The following LAMA2 variants were observed in gnomAD, a reference collection of about 807,000 sequenced individuals.
LAMA2 encodes the protein laminin subunit alpha-2.
In LAMA2, 269 loss-of-function variants were observed where a neutral mutation model predicts 364.8. The observed-to-expected ratio is 0.74, with a 90% CI of 0.67 to 0.82. LAMA2 has a LOEUF of 0.82. Among genes scored for constraint, LAMA2 ranks in the 40% least tolerant of loss-of-function variants. The probability of loss-of-function intolerance (pLI) is 0.00; values close to 1 mark genes in which losing one functional copy is unlikely to be tolerated. For synonymous variants in LAMA2, 1,379 were observed against 1,370.6 expected, an observed-to-expected ratio of 1.01 and a Z score of -0.14; for missense variants, 3,807 against 3,873.2, an observed-to-expected ratio of 0.98 and a Z score of 0.45.
intron 1 of LAMA2, among the ~76,000 whole-genome samples, chr6:129,047,371 G>C (rs1787590995): frequency 6.6e-6 from 1 of 152,158 alleles, no homozygotes; most frequent in African/African-American, 2.4e-5. Context: ...AGAGCACAGA[G>C]ATGAGGGGGG....
chr6:129,355,376 C>T (rs192865407), intron 32 of LAMA2, among the ~76,000 whole-genome samples: 158 of 152,168 alleles, frequency 1.0e-3, no homozygotes, highest in African/African-American at 3.4e-3. Flanking sequence ...ATGATCTTGG[C>T]CTTTCCCAGG....
chr6:129,244,946 T>G (rs961031610), intron 12 of LAMA2, among the ~76,000 whole-genome samples: 2 of 152,156 alleles, frequency 1.3e-5, no homozygotes, highest in African/African-American at 4.8e-5. Context: ...CAAGCTGGTT[T>G]TTCCCCCTGA....
intron 1 of LAMA2, among the ~76,000 whole-genome samples, chr6:128,891,709 G>A (rs1776461855): frequency 6.6e-6 from 1 of 152,054 alleles, no homozygotes; most frequent in Non-Finnish European, 1.5e-5. Flanking sequence ...AGTTGAGACT[G>A]TTTGTGAAGG....
intron 17 of LAMA2, among the ~76,000 whole-genome samples, chr6:129,274,683 A>C (rs1788179522): frequency 6.6e-6 from 1 of 152,028 alleles, no homozygotes. Flanking sequence ...AACTTCATCA[A>C]CTATTTATGG....
chr6:129,437,415 C>T (rs989833270), intron 41 of LAMA2, among the ~76,000 whole-genome samples: 1 of 151,898 alleles, frequency 6.6e-6, no homozygotes, highest in South Asian at 2.1e-4. Context: ...GCTTGTCAGG[C>T]ATTACTCTTA....
chr6:128,896,963 G>A (rs1228237207), intron 1 of LAMA2, among the ~76,000 whole-genome samples: 2 of 152,240 alleles, frequency 1.3e-5, no homozygotes, highest in Non-Finnish European at 2.9e-5. Flanking sequence ...CAGCACTGCT[G>A]TAAGCATGTC....
intron 1 of LAMA2, among the ~76,000 whole-genome samples, chr6:129,025,575 G>T (rs1785754403): frequency 6.6e-6 from 1 of 152,222 alleles, no homozygotes; most frequent in Non-Finnish European, 1.5e-5. Flanking sequence ...GGTCCGTGGA[G>T]AAAAGAGACA....
chr6:129,246,354 T>C (rs1785749134), intron 12 of LAMA2, among the ~76,000 whole-genome samples: 1 of 152,188 alleles, frequency 6.6e-6, no homozygotes, highest in Non-Finnish European at 1.5e-5. Context: ...GAATATAGCA[T>C]GTTCTAAGGT....
chr6:128,991,186 A>T (rs1335174648), intron 1 of LAMA2, among the ~76,000 whole-genome samples: 1 of 152,190 alleles, frequency 6.6e-6, no homozygotes, highest in African/African-American at 2.4e-5. Flanking sequence ...CCGTGAGAAT[A>T]GAATCCTGCT....
chr6:128,977,701 G>A (rs1782618564), intron 1 of LAMA2, among the ~76,000 whole-genome samples: 1 of 152,142 alleles, frequency 6.6e-6, no homozygotes, highest in Non-Finnish European at 1.5e-5. Flanking sequence ...CCTGAATCAG[G>A]TTTCGGTTGA....
intron 56 of LAMA2, 127 bp from the exon 57 acceptor site, chr6:129,491,754 TGCTTAGTGTAGAATTCCTAA>T: frequency 1.5e-6 from 1 of 687,618 alleles, no homozygotes; most frequent in Non-Finnish European, 2.6e-6. Flanking sequence ...GAACAGCGTT[TGCTTAGTGTAGAATTCCTAA>T]GCATCCAATT....
intron 49 of LAMA2, among the ~76,000 whole-genome samples, chr6:129,460,653 G>A (rs1039315440): frequency 6.6e-6 from 1 of 151,948 alleles, no homozygotes; most frequent in Non-Finnish European, 1.5e-5. Flanking sequence ...TTGTGTCTGT[G>A]AGTACCTCAT....
intron 61 of LAMA2, among the ~76,000 whole-genome samples, chr6:129,507,163 G>GT (rs1333051526): frequency 6.6e-6 from 1 of 151,806 alleles, no homozygotes; most frequent in Non-Finnish European, 1.5e-5. Flanking sequence ...AATCAGGAAC[G>GT]TAAGAGACCA....
intron 45 of LAMA2, among the ~76,000 whole-genome samples, chr6:129,449,069 AGAC>A (rs1782533260): frequency 6.6e-6 from 1 of 152,240 alleles, no homozygotes; most frequent in African/African-American, 2.4e-5. Context: ...CAAAAGGAAA[AGAC>A]TACTGATTAT....
At chr6:129,449,315 A>G (rs1450828215) in intron 45 of LAMA2, among the ~76,000 whole-genome samples, 1 of 152,218 alleles carries the variant, frequency 6.6e-6, no homozygotes, top group East Asian at 1.9e-4. Context: ...GGGAAGTCCA[A>G]GATCAAGATG....
intron 3 of LAMA2, 122 bp from the exon 4 acceptor site, chr6:129,098,051 A>G: frequency 4.4e-6 from 5 of 1,124,524 alleles, no homozygotes; most frequent in South Asian, 2.6e-5. Flanking sequence ...TTCAGAGAAC[A>G]TTATAAGATT....
chr6:129,172,766 C>G (rs190957825), intron 9 of LAMA2, among the ~76,000 whole-genome samples: 1 of 152,210 alleles, frequency 6.6e-6, no homozygotes, highest in Non-Finnish European at 1.5e-5. Context: ...CGCCCCTCCC[C>G]CAGCCTCGCT....
chr6:129,456,245 A>T, intron 47 of LAMA2, 90 bp from the exon 48 acceptor site: 3 of 1,287,068 alleles, frequency 2.3e-6, no homozygotes, highest in Non-Finnish European at 3.4e-6. Context: ...TCCGCATTTT[A>T]TATCTTTTAA....
chr6:128,916,812 C>A (rs2114474023), intron 1 of LAMA2, among the ~76,000 whole-genome samples: 1 of 152,300 alleles, frequency 6.6e-6, no homozygotes, highest in East Asian at 1.9e-4. Context: ...TCTGAACATT[C>A]AAGTCAAATG....
Sources: allele counts gnomAD v4.1 joint callset (sites outside exome capture counted in the v4.1 genomes callset), GRCh38; gene constraint gnomAD v4.1.1; transcripts MANE v1.5; gene names NCBI Gene and HGNC (gene_info 2026-07-23, HGNC 2026-07-21).